Variants in IL1RAPL2 observed in about 807,000 individuals in gnomAD.
IL1RAPL2 encodes interleukin 1 receptor accessory protein like 2, also known as X-linked interleukin-1 receptor accessory protein-like 2.
In IL1RAPL2, 3 loss-of-function variants were observed where a neutral mutation model predicts 44.1. That is an observed-to-expected ratio of 0.07 (90% CI 0.03 to 0.18). The LOEUF (loss-of-function observed/expected upper bound fraction) is 0.18. Ranked by LOEUF, IL1RAPL2 falls within the 10% of genes least tolerant of loss-of-function variation. IL1RAPL2 has a pLI of 1.00. For synonymous variants in IL1RAPL2, 181 were observed against 178.8 expected (o/e 1.01, Z -0.10); for missense variants, 391 against 496.4 (o/e 0.79, Z 2.02).
chrX:105,553,638 A>T, intron 6 of IL1RAPL2, among the ~76,000 whole-genome samples: 1 of 112,126 alleles, frequency 8.9e-6, no homozygotes, highest in Non-Finnish European at 1.9e-5. Flanking sequence ...TACTTAAATT[A>T]AGAGTTCAGT....
At chrX:105,404,050 T>G (rs902294017) in intron 5 of IL1RAPL2, among the ~76,000 whole-genome samples, 1 of 112,105 alleles carries the variant, frequency 8.9e-6, no homozygotes, top group Admixed American at 9.5e-5. Flanking sequence ...ACAGTGCTAG[T>G]TATAAAGTTG....
intron 2 of IL1RAPL2, among the ~76,000 whole-genome samples, chrX:105,193,010 A>G (rs782626300): frequency 8.9e-6 from 1 of 112,034 alleles, no homozygotes; most frequent in East Asian, 2.8e-4. Context: ...TGGCAATTAA[A>G]TGTCTTACAC....
intron 2 of IL1RAPL2, among the ~76,000 whole-genome samples, chrX:104,743,061 C>T (rs766565419): frequency 4.5e-5 from 5 of 110,941 alleles, no homozygotes; most frequent in African/African-American, 1.6e-4. Flanking sequence ...AAACTACTGC[C>T]GACTTAGAAT....
intron 5 of IL1RAPL2, among the ~76,000 whole-genome samples, chrX:105,443,987 C>T (rs534681101): frequency 1.8e-5 from 2 of 112,244 alleles, no homozygotes; most frequent in South Asian, 3.7e-4. Flanking sequence ...CTTTTCTCCA[C>T]GTCCTTGCCA....
chrX:105,333,880 G>A (rs372365054), intron 5 of IL1RAPL2, among the ~76,000 whole-genome samples: 195 of 111,878 alleles, frequency 1.7e-3, no homozygotes, highest in African/African-American at 6.1e-3. Flanking sequence ...AGCAAATGCT[G>A]GAAAGAATAT....
chrX:104,824,016 C>T lies in IL1RAPL2; in HGVS notation c.82+165021C>T, dbSNP rs747054897. 9.0e-5 allele frequency among the ~76,000 whole-genome samples: 10 copies of T among 111,371 alleles called. No individual in the cohort carries two copies. The South Asian group carries it at 3.0e-3, about 34-fold the overall frequency. ...TTTTGCCCATTCAGTATGATATTGGCGGTGGGTTTGTCATAAATAGCTCTT... is the reference window on the plus strand; with the variant it reads ...TTTTGCCCATTCAGTATGATATTGGTGGTGGGTTTGTCATAAATAGCTCTT... On this transcript the variant is annotated intron_variant, in intron 2 of 10. Coordinates refer to ENST00000372582, the MANE Select transcript of IL1RAPL2 (RefSeq NM_017416.2).
At chrX:105,627,150 A>G (rs1448040371) in intron 6 of IL1RAPL2, among the ~76,000 whole-genome samples, 2 of 111,866 alleles carry the variant, frequency 1.8e-5, no homozygotes, top group Admixed American at 9.5e-5. Context: ...TATAACTGCA[A>G]TTTGGGCCAG....
chrX:104,801,207 TTGG>T (rs1208165053), intron 2 of IL1RAPL2, among the ~76,000 whole-genome samples: 1 of 112,178 alleles, frequency 8.9e-6, no homozygotes, highest in Admixed American at 9.4e-5. Context: ...TAGGAAAGTA[TTGG>T]TGGCAGGAGT....
intron 2 of IL1RAPL2, among the ~76,000 whole-genome samples, chrX:104,760,159 C>T (rs1292382103): frequency 1.8e-5 from 2 of 112,011 alleles, no homozygotes; most frequent in African/African-American, 3.2e-5. Context: ...GTATATGTGC[C>T]ATATATTCTT....
intron 6 of IL1RAPL2, among the ~76,000 whole-genome samples, chrX:105,602,386 T>TAAG (rs1164271963): frequency 9.9e-6 from 1 of 101,101 alleles, no homozygotes; most frequent in Non-Finnish European, 2.0e-5. Flanking sequence ...AATAAACCAG[T>TAAG]AAGAAAAAAA....
At chrX:104,689,257 G>T (rs757631672) in intron 2 of IL1RAPL2, among the ~76,000 whole-genome samples, 1 of 111,867 alleles carries the variant, frequency 8.9e-6, no homozygotes, top group African/African-American at 3.3e-5. Context: ...GGAACAAAAT[G>T]ACTGACTAGA....
At chrX:104,934,034 G>GA (rs1169061144) in intron 2 of IL1RAPL2, among the ~76,000 whole-genome samples, 3 of 112,033 alleles carry the variant, frequency 2.7e-5, no homozygotes, top group African/African-American at 9.7e-5. Context: ...AAAGGAATCA[G>GA]AAAAAATATT....
chrX:104,791,613 C>A (rs1307019454), intron 2 of IL1RAPL2, among the ~76,000 whole-genome samples: 1 of 111,855 alleles, frequency 8.9e-6, no homozygotes, highest in Non-Finnish European at 1.9e-5. Flanking sequence ...ATGAGGTGCT[C>A]CCTTAGTTTC....
At chrX:105,066,205 T>G (rs759195464) in intron 2 of IL1RAPL2, among the ~76,000 whole-genome samples, 6 of 111,335 alleles carry the variant, frequency 5.4e-5, no homozygotes, top group Non-Finnish European at 1.1e-4. Flanking sequence ...TCCCTAATAC[T>G]TCAGGGAGAC....
intron 3 of IL1RAPL2, among the ~76,000 whole-genome samples, chrX:105,199,536 A>C (rs1569402223): frequency 9.0e-6 from 1 of 111,171 alleles, no homozygotes; most frequent in African/African-American, 3.3e-5. Context: ...TTGCTTTTAA[A>C]CAAAGCCATA....
At chrX:105,441,246 G>T (rs2035918524) in intron 5 of IL1RAPL2, among the ~76,000 whole-genome samples, 1 of 111,632 alleles carries the variant, frequency 9.0e-6, no homozygotes, top group African/African-American at 3.3e-5. Flanking sequence ...TAGAAGAAAT[G>T]ATATTAACTA....
chrX:105,396,959 A>G (rs1334182505), intron 5 of IL1RAPL2, among the ~76,000 whole-genome samples: 2 of 110,512 alleles, frequency 1.8e-5, no homozygotes, highest in African/African-American at 6.6e-5. Flanking sequence ...GCTCCCCATC[A>G]CTCATGTTAC....
At chrX:105,114,208 T>C (rs1410563235) in intron 2 of IL1RAPL2, among the ~76,000 whole-genome samples, 1 of 111,671 alleles carries the variant, frequency 9.0e-6, no homozygotes, top group South Asian at 3.8e-4. Flanking sequence ...TCTTCCGCCA[T>C]GTGAGGTTAC....
intron 6 of IL1RAPL2, among the ~76,000 whole-genome samples, chrX:105,524,661 G>A (rs2036583727): frequency 9.1e-6 from 1 of 110,218 alleles, no homozygotes; most frequent in Non-Finnish European, 1.9e-5. Flanking sequence ...AAAAACCTAT[G>A]GAATATATAT....
Sources: gnomAD v4.1 joint callset for allele counts (sites outside exome capture counted in the v4.1 genomes callset) on GRCh38, gnomAD v4.1.1 for gene constraint, MANE v1.5 for transcripts, NCBI Gene and HGNC (gene_info 2026-07-23, HGNC 2026-07-21) for gene names.